SIPA1L1: variants seen among roughly 807,000 people sequenced by gnomAD.
The protein encoded by SIPA1L1 is signal-induced proliferation-associated 1-like protein 1.
In SIPA1L1, 26 loss-of-function variants were observed where a neutral mutation model predicts 162.7. The observed-to-expected ratio is 0.16, with a 90% CI of 0.12 to 0.22. SIPA1L1 has a LOEUF of 0.22. Among genes scored for constraint, SIPA1L1 ranks in the 10% least tolerant of loss-of-function variants. The pLI is 1.00. For missense variants in SIPA1L1, 1,874 were observed against 2,241.0 expected (o/e 0.84, Z 3.31); for synonymous variants, 829 against 837.4 (o/e 0.99, Z 0.17).
chr14:71,468,607 C>T (rs558181179), intron 2 of SIPA1L1, among the ~76,000 whole-genome samples: 3 of 152,312 alleles, frequency 2.0e-5, no homozygotes, highest in South Asian at 2.1e-4. Context: ...TCCCACCAGG[C>T]CCCACCTCTT....
chr14:71,483,058 A>G (rs1158920107), intron 2 of SIPA1L1, among the ~76,000 whole-genome samples: 1 of 151,966 alleles, frequency 6.6e-6, no homozygotes, highest in Admixed American at 6.6e-5. Flanking sequence ...GATTTGTTTT[A>G]CTCTCTTTTT....
intron 2 of SIPA1L1, among the ~76,000 whole-genome samples, chr14:71,431,376 T>C (rs1595428350): frequency 1.3e-5 from 2 of 152,164 alleles, no homozygotes; most frequent in Non-Finnish European, 2.9e-5. Flanking sequence ...GAAGTAGTTA[T>C]ATGTGGACTT....
intron 7 of SIPA1L1, among the ~76,000 whole-genome samples, chr14:71,644,302 G>A (rs1160406493): frequency 6.6e-6 from 1 of 152,194 alleles, no homozygotes; most frequent in Non-Finnish European, 1.5e-5. Context: ...GCACAATCAT[G>A]TAATCATGGC....
intron 2 of SIPA1L1, among the ~76,000 whole-genome samples, chr14:71,475,818 G>A (rs190056926): frequency 2.4e-4 from 37 of 152,286 alleles, no homozygotes; most frequent in Admixed American, 2.2e-3. Context: ...GGTTATTATT[G>A]TGTTTCCTTG....
At chr14:71,408,812 T>C (rs1397536538) in intron 2 of SIPA1L1, among the ~76,000 whole-genome samples, 5 of 152,100 alleles carry the variant, frequency 3.3e-5, no homozygotes, top group Admixed American at 3.3e-4. Flanking sequence ...AGGAAGGGAG[T>C]GAGCAGGAAG....
intron 2 of SIPA1L1, among the ~76,000 whole-genome samples, chr14:71,337,365 T>C (rs2035203394): frequency 6.6e-6 from 1 of 152,162 alleles, no homozygotes; most frequent in Admixed American, 6.5e-5. Context: ...CAGTCTCTTC[T>C]CACACTGCTA....
intron 4 of SIPA1L1, among the ~76,000 whole-genome samples, chr14:71,572,737 A>G (rs1387247678): frequency 2.0e-5 from 3 of 152,214 alleles, no homozygotes; most frequent in African/African-American, 2.4e-5. Flanking sequence ...TTTGCTTCTT[A>G]TGTTGTATGT....
At chr14:71,513,225 G>A (rs117969456) in intron 3 of SIPA1L1, among the ~76,000 whole-genome samples, 227 of 152,146 alleles carry the variant, frequency 1.5e-3, no homozygotes, top group Non-Finnish European at 2.5e-3. Flanking sequence ...CAGTATCACC[G>A]TAGAATTGAA....
intron 4 of SIPA1L1, among the ~76,000 whole-genome samples, chr14:71,568,834 G>A (rs888698146): frequency 1.3e-5 from 2 of 152,214 alleles, no homozygotes; most frequent in East Asian, 1.9e-4. Context: ...CAAAATGTGT[G>A]TCGGAAGAAT....
At chr14:71,458,689 C>G (rs778697438) in intron 2 of SIPA1L1, among the ~76,000 whole-genome samples, 8 of 152,154 alleles carry the variant, frequency 5.3e-5, no homozygotes, top group Non-Finnish European at 1.2e-4. Context: ...TCAGCTTTTA[C>G]TTCTGCCAGA....
chr14:71,344,773 A>G (rs2035989342), intron 2 of SIPA1L1, among the ~76,000 whole-genome samples: 1 of 152,006 alleles, frequency 6.6e-6, no homozygotes, highest in Non-Finnish European at 1.5e-5. Context: ...GCCACGTTAC[A>G]CAGGCTGCTC....
At chr14:71,338,438 G>A (rs751429959) in intron 2 of SIPA1L1, among the ~76,000 whole-genome samples, 1 of 152,184 alleles carries the variant, frequency 6.6e-6, no homozygotes, top group Non-Finnish European at 1.5e-5. Context: ...TTGCAGTTGT[G>A]ATAGGCTGTG....
At chr14:71,378,057 GT>G (rs756860754) in intron 2 of SIPA1L1, among the ~76,000 whole-genome samples, 1 of 151,922 alleles carries the variant, frequency 6.6e-6, no homozygotes, top group Non-Finnish European at 1.5e-5. Context: ...AGGATCTCTG[GT>G]TTTTTGGTTT....
At chr14:71,566,536 C>T (rs2030630029) in intron 4 of SIPA1L1, among the ~76,000 whole-genome samples, 1 of 151,996 alleles carries the variant, frequency 6.6e-6, no homozygotes, top group Non-Finnish European at 1.5e-5. Context: ...AGAAATGCAC[C>T]ATCAAAACAG....
At chr14:71,478,190 G>GT (rs2048037697) in intron 2 of SIPA1L1, among the ~76,000 whole-genome samples, 1 of 152,046 alleles carries the variant, frequency 6.6e-6, no homozygotes, top group Non-Finnish European at 1.5e-5. Flanking sequence ...TCTGTTCAAG[G>GT]TTTTAAATAA....
In SIPA1L1 at chr14:71,733,731, G is replaced by A. The variant is rs766869154; in HGVS notation, c.4927G>A (p.Asp1643Asn). The A allele has an allele frequency of 1.1e-5, 17 of 1,613,742 alleles. No individual in the cohort carries two copies. The highest frequency in any genetic ancestry group is 6.6e-5 in the South Asian group (6 of 91,068). ...GGAGACCCGCAGGCAGCCTATGCCC[G>A]ACCCTGGCCTGATGCCCCTGCCTGA... is the stretch of plus-strand genomic sequence containing the variant. ...IQETRRQPMP[D>N]PGLMPLPDTA... Residue 1643 changes from aspartate to asparagine, a missense_variant, in exon 21 of 24, where the codon GAC (aspartate) becomes AAC (asparagine). Around this residue, in one of 5 missense-constraint regions of SIPA1L1, gnomAD observed 936 missense variants for 1,051.9 expected, o/e 0.89. Transcript: ENST00000381232.
intron 2 of SIPA1L1, among the ~76,000 whole-genome samples, chr14:71,482,809 A>G (rs1021191947): frequency 1.3e-5 from 2 of 152,170 alleles, no homozygotes; most frequent in African/African-American, 4.8e-5. Context: ...GCCAGTTGGT[A>G]GATTTTATAC....
intron 5 of SIPA1L1, among the ~76,000 whole-genome samples, chr14:71,596,013 T>C (rs1394820700): frequency 3.3e-5 from 5 of 152,196 alleles, no homozygotes; most frequent in Non-Finnish European, 5.9e-5. Flanking sequence ...TATTCAATCA[T>C]GTAACAAACA....
intron 17 of SIPA1L1, among the ~76,000 whole-genome samples, chr14:71,711,824 C>T (rs1362143625): frequency 1.3e-5 from 2 of 152,186 alleles, no homozygotes; most frequent in South Asian, 2.1e-4. Context: ...AAATAACTCT[C>T]CTATTGAAAG....
Sources: allele counts gnomAD v4.1 joint callset (sites outside exome capture counted in the v4.1 genomes callset), GRCh38; gene constraint gnomAD v4.1.1; regional missense constraint gnomAD v4.1.1; transcripts MANE v1.5; gene names NCBI Gene and HGNC (gene_info 2026-07-23, HGNC 2026-07-21).